Variants in THSD7A observed in about 807,000 individuals in gnomAD.
The protein encoded by THSD7A is thrombospondin type-1 domain-containing protein 7A.
A neutral mutation model predicts 231.3 loss-of-function variants in THSD7A; 96 were observed. The ratio of observed to expected loss-of-function variants is 0.41; its 90% CI spans 0.35 to 0.49. The LOEUF (loss-of-function observed/expected upper bound fraction) is 0.49, where lower values mean the gene tolerates loss of function less well. Among genes scored for constraint, THSD7A ranks in the 20% least tolerant of loss-of-function variants. The pLI is 0.05. For missense variants in THSD7A, 2,290 were observed against 2,070.2 expected, an observed-to-expected ratio of 1.11 and a Z score of -2.06; for synonymous variants, 940 against 743.3, an observed-to-expected ratio of 1.26 and a Z score of -4.30.
intron 11 of THSD7A, among the ~76,000 whole-genome samples, chr7:11,456,318 TTTTTAA>T (rs768827799): frequency 1.4e-4 from 21 of 152,146 alleles, no homozygotes; most frequent in Middle Eastern, 3.4e-3. Flanking sequence ...CTTTAGCCCC[TTTTTAA>T]TTTTAATTTT....
intron 17 of THSD7A, among the ~76,000 whole-genome samples, chr7:11,415,719 A>G (rs1783937063): frequency 6.6e-6 from 1 of 152,224 alleles, no homozygotes; most frequent in Non-Finnish European, 1.5e-5. Flanking sequence ...AAGGGAAAGT[A>G]TAAACATAAA....
chr7:11,491,003 A>G (rs974796918), intron 6 of THSD7A, among the ~76,000 whole-genome samples: 2 of 152,110 alleles, frequency 1.3e-5, no homozygotes, highest in African/African-American at 4.8e-5. Flanking sequence ...ATACTACTAC[A>G]GAAATGGATC....
chr7:11,730,946 T>C (rs1425712140), intron 1 of THSD7A, among the ~76,000 whole-genome samples: 1 of 151,684 alleles, frequency 6.6e-6, no homozygotes, highest in East Asian at 1.9e-4. Context: ...TTAGCTACTC[T>C]ACTGCAGCTT....
intron 16 of THSD7A, 69 bp downstream of exon 16, chr7:11,424,627 T>C: frequency 1.3e-6 from 2 of 1,591,594 alleles, no homozygotes; most frequent in Non-Finnish European, 1.7e-6. Context: ...TGAACAGTCA[T>C]GTTGGCACAT....
rs767915873 is a variant in THSD7A, at chr7:11,375,792, T to C, written c.*2A>G. The C allele has an allele frequency of 6.2e-7, 1 of 1,611,788 alleles. No homozygotes were observed. Among genetic ancestry groups the C allele is most frequent in the Admixed American group, 1.7e-5 (1 of 59,870 alleles). Reference sequence around the variant, plus strand: ...CTGGTTGTTGCCAGGAAAAGTTATATGTTACATGTCGGCATCTCCATCATA... The same window carrying C: ...CTGGTTGTTGCCAGGAAAAGTTATACGTTACATGTCGGCATCTCCATCATA... On this transcript the variant is annotated 3_prime_UTR_variant, in exon 28 of 28. Coordinates refer to ENST00000423059, the MANE Select transcript of THSD7A (RefSeq NM_015204.3).
intron 8 of THSD7A, among the ~76,000 whole-genome samples, chr7:11,473,814 C>T (rs1312644379): frequency 6.6e-6 from 1 of 152,100 alleles, no homozygotes; most frequent in East Asian, 1.9e-4. Context: ...CCAAGGCTCT[C>T]TCTTGGAAGT....
At chr7:11,510,306 C>A (rs1018336664) in intron 6 of THSD7A, among the ~76,000 whole-genome samples, 1 of 152,154 alleles carries the variant, frequency 6.6e-6, no homozygotes, top group Admixed American at 6.5e-5. Flanking sequence ...AAAAAAAGTC[C>A]TGGACCAGAC....
intron 16 of THSD7A, 27 bp from the exon 17 acceptor site, chr7:11,417,630 G>A (rs764675413): frequency 6.3e-7 from 1 of 1,590,322 alleles, no homozygotes; most frequent in South Asian, 1.2e-5. Flanking sequence ...ACATATTCTA[G>A]AAAATATACA....
chr7:11,700,611 C>A (rs759669319), intron 1 of THSD7A, among the ~76,000 whole-genome samples: 4 of 151,022 alleles, frequency 2.6e-5, no homozygotes, highest in Admixed American at 6.6e-5. Flanking sequence ...ATGTTTTGTT[C>A]ATTTACATAT....
chr7:11,421,018 G>C (rs1784125933), intron 16 of THSD7A, among the ~76,000 whole-genome samples: 1 of 152,212 alleles, frequency 6.6e-6, no homozygotes, highest in African/African-American at 2.4e-5. Flanking sequence ...AGATTTTACA[G>C]GTTCACAGGC....
At position 11,605,014 on chromosome 7, in the gene THSD7A, C is replaced by T. The variant is rs10486148; in HGVS notation, c.1023-11512G>A. On this transcript the variant is annotated intron_variant, in intron 2 of 27. Transcript: ENST00000423059. ...GCCTTAAAGTGGACCTCGGTGGGAC[C>T]ATGAGGACTGTAATGTTCATTTCTT... 0.016 allele frequency among the ~76,000 whole-genome samples: 2,425 copies of T among 151,968 alleles called. 156 individuals carry two copies. In the East Asian group the frequency reaches 0.23, roughly 14 times the overall value.
intron 1 of THSD7A, among the ~76,000 whole-genome samples, chr7:11,809,114 T>G (rs140940141): frequency 3.3e-4 from 51 of 152,300 alleles, no homozygotes; most frequent in Admixed American, 7.2e-4. Context: ...ATATAATACA[T>G]GTTGAGTTAA....
intron 2 of THSD7A, among the ~76,000 whole-genome samples, chr7:11,621,917 AAT>A (rs1166256988): frequency 6.6e-6 from 1 of 152,094 alleles, no homozygotes; most frequent in Non-Finnish European, 1.5e-5. Flanking sequence ...CTAATTTTCA[AAT>A]ATGTTTGTCA....
intron 16 of THSD7A, among the ~76,000 whole-genome samples, chr7:11,424,057 T>C (rs1188537812): frequency 6.6e-6 from 1 of 152,164 alleles, no homozygotes; most frequent in Non-Finnish European, 1.5e-5. Context: ...CCAATGGAAC[T>C]TTCTGCCATT....
intron 1 of THSD7A, among the ~76,000 whole-genome samples, chr7:11,681,829 G>GA (rs1010378714): frequency 5.5e-4 from 80 of 145,482 alleles, no homozygotes; most frequent in East Asian, 3.8e-3. Flanking sequence ...AATTTCAAAT[G>GA]AAAAAAAAAA....
At chr7:11,620,442 A>G (rs1037575798) in intron 2 of THSD7A, among the ~76,000 whole-genome samples, 8 of 152,218 alleles carry the variant, frequency 5.3e-5, no homozygotes, top group African/African-American at 1.9e-4. Flanking sequence ...ACAAGTATAA[A>G]GACATAACTG....
rs79853468 is a variant in THSD7A at position 11,689,276 on chromosome 7, C to A, written c.191-52315G>T. Among the ~76,000 whole-genome samples the A allele has an allele frequency of 9.4e-3, 1,427 of 151,968 alleles. 25 individuals carry two copies. Among genetic ancestry groups the A allele is most frequent in the African/African-American group, 0.032 (1,327 of 41,522 alleles). On this transcript the variant is annotated intron_variant, in intron 1 of 27. Coordinates refer to ENST00000423059, the MANE Select transcript of THSD7A (RefSeq NM_015204.3). ...GTCAAAGCACTTGCCGGTTCATTGA[C>A]TGCCTTAGACATCACAGTGTGCAAT...
chr7:11,529,369 A>T (rs968622733), intron 6 of THSD7A, among the ~76,000 whole-genome samples: 1 of 152,170 alleles, frequency 6.6e-6, no homozygotes. Flanking sequence ...TTATGAAAAT[A>T]AATGAGCTAG....
In THSD7A at chr7:11,553,684, A is replaced by AT. The variant is rs1789725759; in HGVS notation, c.1454-10568dup. Reference sequence around the variant, plus strand: ...GAGGATTCAAATGAATGTATATTCCATGCTTCACAAGGTCACAAAAGAATG... The same window carrying AT: ...GAGGATTCAAATGAATGTATATTCCATTGCTTCACAAGGTCACAAAAGAATG... On this transcript the variant is annotated intron_variant, in intron 4 of 27. Coordinates refer to ENST00000423059, the MANE Select transcript of THSD7A (RefSeq NM_015204.3). Among the ~76,000 whole-genome samples the AT allele has an allele frequency of 4.6e-5, 7 of 152,190 alleles. No individual in the cohort carries two copies. The South Asian group carries it at 1.4e-3, about 32-fold the overall frequency.
Sources: allele counts gnomAD v4.1 joint callset (sites outside exome capture counted in the v4.1 genomes callset), GRCh38; gene constraint gnomAD v4.1.1; transcripts MANE v1.5; gene names NCBI Gene and HGNC (gene_info 2026-07-23, HGNC 2026-07-21).